The following SIPA1L1 variants were observed in gnomAD, a reference collection of about 807,000 sequenced individuals.
The protein encoded by SIPA1L1 is signal induced proliferation associated 1 like 1.
In SIPA1L1, 26 loss-of-function variants were observed where a neutral mutation model predicts 162.7. The observed-to-expected ratio is 0.16, with a 90% CI of 0.12 to 0.22. SIPA1L1 has a LOEUF of 0.22. Among genes scored for constraint, SIPA1L1 ranks in the 10% least tolerant of loss-of-function variants. The pLI is 1.00. For synonymous variants in SIPA1L1, 829 were observed against 837.4 expected (o/e 0.99, Z 0.17); for missense variants, 1,874 against 2,241.0 (o/e 0.84, Z 3.31).
chr14:71,655,353 C>T (rs925475476), intron 8 of SIPA1L1, among the ~76,000 whole-genome samples: 2 of 152,032 alleles, frequency 1.3e-5, no homozygotes, highest in Non-Finnish European at 2.9e-5. Context: ...TACCATGTTT[C>T]CTTTATCCAG....
intron 5 of SIPA1L1, among the ~76,000 whole-genome samples, chr14:71,594,228 T>G (rs903777517): frequency 6.6e-6 from 1 of 152,224 alleles, no homozygotes; most frequent in Admixed American, 6.5e-5. Flanking sequence ...TGATTTGTAC[T>G]AAAGTTACAG....
chr14:71,533,981 T>C (rs181601197), intron 4 of SIPA1L1, among the ~76,000 whole-genome samples: 225 of 152,144 alleles, frequency 1.5e-3, no homozygotes, highest in African/African-American at 5.2e-3. Flanking sequence ...CCCAGTACTT[T>C]GGGAGGCCAA....
chr14:71,417,893 G>C (rs951672680), intron 2 of SIPA1L1, among the ~76,000 whole-genome samples: 8 of 152,170 alleles, frequency 5.3e-5, no homozygotes, highest in African/African-American at 1.9e-4. Flanking sequence ...TTTGAATTGA[G>C]TTTGACATGG....
At chr14:71,722,690 G>A (rs1196508601) in intron 17 of SIPA1L1, among the ~76,000 whole-genome samples, 1 of 152,110 alleles carries the variant, frequency 6.6e-6, no homozygotes, top group Non-Finnish European at 1.5e-5. Flanking sequence ...TGGAACTCTT[G>A]AAACCCCAGA....
intron 2 of SIPA1L1, among the ~76,000 whole-genome samples, chr14:71,374,366 G>T (rs1007252015): frequency 6.6e-6 from 1 of 151,522 alleles, no homozygotes; most frequent in Non-Finnish European, 1.5e-5. Flanking sequence ...TAATTTTGTC[G>T]GTAAACTTAT....
chr14:71,678,333 G>GAA (rs774032354), intron 12 of SIPA1L1, among the ~76,000 whole-genome samples: 3 of 152,166 alleles, frequency 2.0e-5, no homozygotes, highest in Non-Finnish European at 4.4e-5. Context: ...ATAATTTATT[G>GAA]AGAGTTTTTA....
intron 5 of SIPA1L1, among the ~76,000 whole-genome samples, chr14:71,592,966 A>T (rs867381159): frequency 6.6e-6 from 1 of 152,142 alleles, no homozygotes; most frequent in South Asian, 2.1e-4. Flanking sequence ...GAGAACCAGG[A>T]TTAAATGACA....
At chr14:71,396,940 A>AT (rs1409803359) in intron 2 of SIPA1L1, among the ~76,000 whole-genome samples, 1 of 152,296 alleles carries the variant, frequency 6.6e-6, no homozygotes, top group African/African-American at 2.4e-5. Context: ...AATATCTTAT[A>AT]TTTTTTGACA....
intron 2 of SIPA1L1, among the ~76,000 whole-genome samples, chr14:71,358,125 G>A (rs1223267934): frequency 3.3e-5 from 5 of 152,022 alleles, no homozygotes; most frequent in Non-Finnish European, 5.9e-5. Flanking sequence ...ACCTCCCAAA[G>A]TGCTGGGATT....
intron 4 of SIPA1L1, among the ~76,000 whole-genome samples, chr14:71,565,652 T>TATCCAC (rs1173354953): frequency 1.3e-5 from 2 of 152,206 alleles, no homozygotes; most frequent in Non-Finnish European, 2.9e-5. Flanking sequence ...CATAAATAAA[T>TATCCAC]ATCCACATAT....
intron 2 of SIPA1L1, among the ~76,000 whole-genome samples, chr14:71,387,940 A>G (rs1359711733): frequency 2.0e-5 from 3 of 152,250 alleles, no homozygotes; most frequent in Admixed American, 2.0e-4. Flanking sequence ...GTTAATTTCT[A>G]GAGTATCAGT....
intron 19 of SIPA1L1, among the ~76,000 whole-genome samples, 183 bp downstream of exon 19, chr14:71,725,018 G>C (rs933150732): frequency 2.0e-5 from 3 of 152,124 alleles, no homozygotes; most frequent in Non-Finnish European, 4.4e-5. Flanking sequence ...CTCTGTCCCT[G>C]CAGCCACATC....
intron 4 of SIPA1L1, among the ~76,000 whole-genome samples, chr14:71,549,270 T>A (rs778783982): frequency 1.3e-5 from 2 of 152,114 alleles, no homozygotes; most frequent in Non-Finnish European, 2.9e-5. Flanking sequence ...TCTCTGGAAT[T>A]CTACCTTTTC....
intron 2 of SIPA1L1, among the ~76,000 whole-genome samples, chr14:71,502,251 A>ATATATATAT (rs1555440954): frequency 0.011 from 695 of 60,762 alleles, 5 homozygotes; most frequent in African/African-American, 0.027. Flanking sequence ...TGAAAAAAAA[A>ATATATATAT]AAAAATATAT....
intron 2 of SIPA1L1, among the ~76,000 whole-genome samples, chr14:71,485,597 T>G (rs968705852): frequency 6.6e-6 from 1 of 152,066 alleles, no homozygotes; most frequent in African/African-American, 2.4e-5. Context: ...CAGGAAAACC[T>G]GCTTAGGGCT....
intron 2 of SIPA1L1, among the ~76,000 whole-genome samples, chr14:71,464,838 G>T (rs373899110): frequency 6.6e-6 from 1 of 152,022 alleles, no homozygotes; most frequent in African/African-American, 2.4e-5. Flanking sequence ...CAAGTGTAGC[G>T]CACCCCGTCA....
rs911949975 is a variant in SIPA1L1 at position 71,702,251 on chromosome 14, A to G, written c.3522-130A>G. 1.9e-4 allele frequency: 174 copies of G among 896,336 alleles called. 1 individual carries two copies. The Middle Eastern group carries it at 3.6e-3, about 18-fold the overall frequency. 55.5% of individuals were successfully genotyped at this position (896,336 alleles called of 1,614,324 possible). A position where few individuals can be genotyped will look rare whatever the true frequency, so the allele number is the denominator to read the frequency against. On this transcript the variant is annotated intron_variant, in intron 14 of 23. Transcript: ENST00000381232. The stretch of plus-strand genomic sequence containing the variant: ...CGTAAACACGAACCAGGGTGTGTAT[A>G]CAAGTACAGACACATAAGCAAAAAC...
At chr14:71,415,328 A>G (rs1454156784) in intron 2 of SIPA1L1, among the ~76,000 whole-genome samples, 1 of 152,186 alleles carries the variant, frequency 6.6e-6, no homozygotes, top group African/African-American at 2.4e-5. Flanking sequence ...CATTTATTTG[A>G]CCGTTCCCAG....
chr14:71,588,954 C>T lies in SIPA1L1; in HGVS notation c.1082C>T (p.Thr361Ile). 1 of 1,614,094 alleles carries T rather than the reference C, an allele frequency of 6.2e-7. No homozygotes were observed. The highest frequency in any genetic ancestry group is 8.5e-7 in the Non-Finnish European group (1 of 1,179,974). Residue 361 changes from threonine (T) to isoleucine (I), a missense_variant, in exon 5 of 24, where the codon ACT (threonine) becomes ATT (isoleucine). By Grantham distance (89) the Thr-to-Ile change is moderately conservative. Around this residue, in one of 5 missense-constraint regions of SIPA1L1, gnomAD observed 685 missense variants for 828.0 expected, o/e 0.83. Coordinates refer to ENST00000381232, the MANE Select transcript of SIPA1L1 (RefSeq NM_001386936.1). The surrounding 1 kb of genome is among the most constrained non-coding windows in gnomAD (Gnocchi z 4.3). ...GTTATTAAGAGGAGAAACACCACCA[C>T]TGGAGCTTCCGCAGCTGCCGTGGCA... ...HNVIKRRNTT[T>I]GASAAAVASL... is the part of the protein sequence containing the mutation.
Sources: gnomAD v4.1 joint callset for allele counts (sites outside exome capture counted in the v4.1 genomes callset) on GRCh38, gnomAD v4.1.1 for gene constraint, gnomAD v4.1.1 regional missense constraint, Gnocchi (gnomAD v3.1) non-coding constraint, MANE v1.5 for transcripts, NCBI Gene and HGNC (gene_info 2026-07-23, HGNC 2026-07-21) for gene names.